The following RSPO4 variants were observed in gnomAD, a reference collection of about 807,000 sequenced individuals.
RSPO4 encodes R-spondin-4.
Under a neutral mutation model 24.8 loss-of-function variants are expected in RSPO4, and 23 were observed. The ratio of observed to expected loss-of-function variants is 0.93; its 90% confidence interval spans 0.67 to 1.31. The LOEUF (loss-of-function observed/expected upper bound fraction) is 1.31, where lower values mean the gene tolerates loss of function less well. Among genes scored for constraint, RSPO4 ranks in the 40% most tolerant of loss-of-function variants. The probability of loss-of-function intolerance (pLI) is 0.00; values close to 1 mark genes in which losing one functional copy is unlikely to be tolerated. For missense variants in RSPO4, 333 were observed against 316.5 expected, an observed-to-expected ratio of 1.05 and a Z score of -0.39; for synonymous variants, 141 against 127.4, an observed-to-expected ratio of 1.11 and a Z score of -0.72.
At position 959,141 on chromosome 20, in the gene RSPO4, G is replaced by C. The variant is rs1367824650; in HGVS notation, c.*1216C>G. 1 of 145,970 alleles carries C rather than the reference G, an allele frequency of 6.9e-6. No homozygotes were observed. The highest frequency in any genetic ancestry group is 2.6e-5 in the African/African-American group (1 of 38,082). 9.0% of individuals were successfully genotyped at this position (145,970 alleles called of 1,614,324 possible). A position where few individuals can be genotyped will look rare whatever the true frequency, so the allele number is the denominator to read the frequency against. On this transcript the variant is annotated 3_prime_UTR_variant, in exon 5 of 5. Transcript: ENST00000217260. ...TGGGTGTGGGGCAGTGTGGTGGTGGGTGTGGGCGAGTGCGGTGATGGGTGT... is the reference window on the plus strand; with the variant it reads ...TGGGTGTGGGGCAGTGTGGTGGTGGCTGTGGGCGAGTGCGGTGATGGGTGT...
At chr20:977,802 G>T (rs572165772) in intron 1 of RSPO4, among the ~76,000 whole-genome samples, 1 of 152,174 alleles carries the variant, frequency 6.6e-6, no homozygotes, top group Admixed American at 6.5e-5. Context: ...TGTCCTTGGG[G>T]AGGACCCAGA....
chr20:968,838 A>G (rs1363252299), intron 1 of RSPO4, among the ~76,000 whole-genome samples: 2 of 152,214 alleles, frequency 1.3e-5, no homozygotes, highest in African/African-American at 4.8e-5. Flanking sequence ...TTTTAAGGAG[A>G]AAATTTTTTG....
chr20:984,629 G>A (rs944449791), intron 1 of RSPO4, among the ~76,000 whole-genome samples: 5 of 152,182 alleles, frequency 3.3e-5, no homozygotes, highest in African/African-American at 1.2e-4. Context: ...GGCACAAAGT[G>A]AGCATCTTCA....
At chr20:1,000,673 G>A (rs74865102) in intron 1 of RSPO4, among the ~76,000 whole-genome samples, 1 of 152,178 alleles carries the variant, frequency 6.6e-6, no homozygotes, top group Non-Finnish European at 1.5e-5. Context: ...TTGGTAACTG[G>A]GGAAGCTGGG....
At position 973,494 on chromosome 20, in the gene RSPO4, G is replaced by T. The variant is rs112182488; in HGVS notation, c.80-5356C>A. 6.7e-3 allele frequency among the ~76,000 whole-genome samples: 943 copies of T among 140,032 alleles called. 13 individuals carry two copies. Among genetic ancestry groups the T allele is most frequent in the African/African-American group, 0.022 (892 of 40,078 alleles). The allele number at this position is 140,032 out of a possible 152,430, so 91.9% of individuals were successfully genotyped here. ...TGTTTGTTTGTTTGTTTGTTTTTGA[G>T]ATGGAGCCTCACTCTGTTGCCCAGA... On this transcript the variant is annotated intron_variant, in intron 1 of 4. Transcript: ENST00000217260.
intron 4 of RSPO4, among the ~76,000 whole-genome samples, chr20:962,867 G>A (rs1359644733): frequency 6.6e-6 from 1 of 152,248 alleles, no homozygotes; most frequent in Non-Finnish European, 1.5e-5. Context: ...CCTTAGGTGA[G>A]TGACTCAACC....
At chr20:1,001,881 C>T (rs1423516185) in intron 1 of RSPO4, among the ~76,000 whole-genome samples, 1 of 152,140 alleles carries the variant, frequency 6.6e-6, no homozygotes, top group Admixed American at 6.5e-5. Flanking sequence ...TCTCCTTGGC[C>T]CACCCTACTC....
At position 1,001,583 on chromosome 20, in the gene RSPO4, TA is replaced by T. The variant is rs1985462842; in HGVS notation, c.79+502del. On this transcript the variant is annotated intron_variant, in intron 1 of 4. Coordinates refer to ENST00000217260, the MANE Select transcript of RSPO4 (RefSeq NM_001029871.4). ...GTCTCAGGTCTGGCTGAACTCAACA[TA>T]GGGGGGCCATGGAGGATCACTGCCC... is the stretch of plus-strand genomic sequence containing the variant. Among the ~76,000 whole-genome samples the T allele has an allele frequency of 2.6e-5, 4 of 152,210 alleles. No individual in the cohort carries two copies. The South Asian group carries it at 6.2e-4, about 24-fold the overall frequency.
chr20:986,846 G>T (rs1184837120), intron 1 of RSPO4, among the ~76,000 whole-genome samples: 1 of 152,044 alleles, frequency 6.6e-6, no homozygotes, highest in Non-Finnish European at 1.5e-5. Context: ...ACATTACAAG[G>T]AATTTAAAAA....
chr20:993,301 G>A (rs950411024), intron 1 of RSPO4, among the ~76,000 whole-genome samples: 6 of 152,220 alleles, frequency 3.9e-5, no homozygotes, highest in Admixed American at 3.3e-4. Flanking sequence ...AGGCAGTGGC[G>A]GCCCAGCATG....
chr20:988,747 C>T (rs545960661), intron 1 of RSPO4, among the ~76,000 whole-genome samples: 3 of 152,194 alleles, frequency 2.0e-5, no homozygotes, highest in South Asian at 2.1e-4. Flanking sequence ...GATGGGGTTT[C>T]ACCATGTTAG....
chr20:987,685 GGAGGCT>G (rs1337059907), intron 1 of RSPO4, among the ~76,000 whole-genome samples: 1 of 152,180 alleles, frequency 6.6e-6, no homozygotes, highest in South Asian at 2.1e-4. Context: ...CAGCTACTCA[GGAGGCT>G]GAGGTGGGAG....
intron 1 of RSPO4, among the ~76,000 whole-genome samples, chr20:968,471 A>G (rs1984304800): frequency 6.6e-6 from 1 of 152,244 alleles, no homozygotes; most frequent in Non-Finnish European, 1.5e-5. Flanking sequence ...TGAGGTGGAA[A>G]CTATGTCCCG....
At chr20:971,247 A>G (rs1176481465) in intron 1 of RSPO4, among the ~76,000 whole-genome samples, 1 of 152,228 alleles carries the variant, frequency 6.6e-6, no homozygotes, top group African/African-American at 2.4e-5. Flanking sequence ...TTGTTAGAAT[A>G]TAGGTCCCTG....
rs368559955 is a variant in RSPO4 at position 968,004 on chromosome 20, C to A, written c.214G>T (p.Asp72Tyr). ...GIRQYGKCLH[D>Y]CPPGYFGIRG... ...ATGCCGAAGTACCCAGGGGGACAGT[C>A]GTGCAGGCACTTGCCGTACTGGCGG... is the stretch of plus-strand genomic sequence containing the variant. The change falls in exon 2 of 5, where the codon GAC (aspartate) becomes TAC (tyrosine). Residue 72 changes from aspartate to tyrosine, a missense_variant. Coordinates refer to ENST00000217260, the MANE Select transcript of RSPO4 (RefSeq NM_001029871.4). 4.3e-6 allele frequency: 7 copies of A among 1,614,110 alleles called. No homozygotes were observed. The African/African-American group carries it at 5.3e-5, about 12-fold the overall frequency.
chr20:976,130 C>T (rs1183535192), intron 1 of RSPO4, among the ~76,000 whole-genome samples: 8 of 152,140 alleles, frequency 5.3e-5, no homozygotes, highest in Non-Finnish European at 4.4e-5. Context: ...TTCCTACCTC[C>T]ACGTGATTTG....
At chr20:975,314 T>C (rs1218555432) in intron 1 of RSPO4, among the ~76,000 whole-genome samples, 1 of 152,186 alleles carries the variant, frequency 6.6e-6, no homozygotes, top group African/African-American at 2.4e-5. Flanking sequence ...CCAGCTGAGA[T>C]GCACATTTTA....
intron 4 of RSPO4, among the ~76,000 whole-genome samples, chr20:961,557 C>T (rs757638390): frequency 3.3e-5 from 5 of 152,208 alleles, no homozygotes; most frequent in Non-Finnish European, 7.3e-5. Context: ...GGGCTCCCCA[C>T]GCCCACTCTG....
chr20:999,579 C>G (rs1214077741), intron 1 of RSPO4, among the ~76,000 whole-genome samples: 3 of 152,140 alleles, frequency 2.0e-5, no homozygotes, highest in African/African-American at 7.2e-5. Flanking sequence ...CCAAGGCTAT[C>G]TCCATTGTAC....
Sources: gnomAD v4.1 joint callset for allele counts (sites outside exome capture counted in the v4.1 genomes callset) on GRCh38, gnomAD v4.1.1 for gene constraint, MANE v1.5 for transcripts, NCBI Gene and HGNC (gene_info 2026-07-23, HGNC 2026-07-21) for gene names.